CBFA2T3: variants seen among roughly 807,000 people sequenced by gnomAD.
CBFA2T3 encodes the protein transcriptional corepressor CBFA2T3.
Under a neutral mutation model 58.6 loss-of-function variants are expected in CBFA2T3, and 31 were observed. The observed-to-expected ratio is 0.53, with a 90% CI of 0.40 to 0.71. The LOEUF is 0.71. Among genes scored for constraint, CBFA2T3 ranks in the 30% least tolerant of loss-of-function variants. The probability of loss-of-function intolerance (pLI) is 0.00; values close to 1 mark genes in which losing one functional copy is unlikely to be tolerated. For synonymous variants in CBFA2T3, 531 were observed against 421.9 expected (o/e 1.26, Z -3.17); for missense variants, 1,076 against 963.1 (o/e 1.12, Z -1.55).
rs958235020 is a variant in CBFA2T3 at position 88,879,273 on chromosome 16, G to A, written c.1659C>T (p.Ser553=). ...CAGCGTGGCCGGGTGGCCCTACCTCGCTGGAGTCCTCCTGCTGGTTGATGA... is the reference window on the plus strand; with the variant it reads ...CAGCGTGGCCGGGTGGCCCTACCTCACTGGAGTCCTCCTGCTGGTTGATGA... ...LTVINQQEDS[S]ESCWNCGRKA... The change falls in exon 11 of 12, where the codon AGC becomes AGT. Residue 553 remains serine (S), a synonymous_variant. Transcript: ENST00000268679. The A allele has an allele frequency of 1.3e-5, 20 of 1,591,230 alleles. No homozygotes were observed. The highest frequency in any genetic ancestry group is 4.0e-5 in the African/African-American group (3 of 74,644).
At chr16:88,921,336 C>CG (rs369378413) in intron 1 of CBFA2T3, among the ~76,000 whole-genome samples, 7 of 152,192 alleles carry the variant, frequency 4.6e-5, no homozygotes, top group Admixed American at 3.9e-4. Flanking sequence ...AAAGGATGGG[C>CG]GGGGGGAGCA....
chr16:88,880,485 T>C (rs1357536145), intron 10 of CBFA2T3, among the ~76,000 whole-genome samples: 1 of 152,190 alleles, frequency 6.6e-6, no homozygotes, highest in Non-Finnish European at 1.5e-5. Flanking sequence ...GGACCCACTT[T>C]ATTCTGCTGG....
chr16:88,898,297 CG>C lies in CBFA2T3; in HGVS notation c.305-146del, dbSNP rs375139381. ...GCAGGAGACTGCCCTCAGGGGCACC[CG>C]GGCCGCCTTTTCTTGCTTCTCAGAG... On this transcript the variant is annotated intron_variant, in intron 2 of 11. Coordinates refer to ENST00000268679, the MANE Select transcript of CBFA2T3 (RefSeq NM_005187.6). 1.2e-3 allele frequency: 736 copies of C among 635,354 alleles called. 5 individuals carry two copies. The highest frequency in any genetic ancestry group is 0.011 in the African/African-American group (607 of 54,170). 39.4% of individuals were successfully genotyped at this position (635,354 alleles called of 1,614,324 possible).
At position 88,881,275 on chromosome 16, in the gene CBFA2T3, C is replaced by T. The variant is rs766247590; in HGVS notation, c.1402+16G>A. On this transcript the variant is annotated intron_variant, in intron 9 of 11. Coordinates refer to ENST00000268679, the MANE Select transcript of CBFA2T3 (RefSeq NM_005187.6). The stretch of plus-strand genomic sequence containing the variant: ...GCACCCCGTGTCTGCTCCCTCCCCC[C>T]ACACCCCACACGCACCTAGCTGAGG... 2.5e-6 allele frequency: 4 copies of T among 1,594,908 alleles called. No homozygotes were observed. The highest frequency in any genetic ancestry group is 1.7e-5 in the Admixed American group (1 of 59,508).
chr16:88,948,642 A>G (rs1197382267), intron 1 of CBFA2T3, among the ~76,000 whole-genome samples: 1 of 152,244 alleles, frequency 6.6e-6, no homozygotes, highest in Non-Finnish European at 1.5e-5. Flanking sequence ...CTGCTTTTGC[A>G]GAATGAGGTT....
chr16:88,883,926 T>C (rs1013637617), intron 7 of CBFA2T3: 1 of 152,272 alleles, frequency 6.6e-6, no homozygotes, highest in South Asian at 2.1e-4. Context: ...GTCTCCCTCT[T>C]GGGGCCCTTT....
chr16:88,921,349 G>A (rs891964057), intron 1 of CBFA2T3, among the ~76,000 whole-genome samples: 5 of 152,226 alleles, frequency 3.3e-5, no homozygotes, highest in Admixed American at 3.3e-4. Flanking sequence ...GGGGAGCAGG[G>A]AAGCCGAGCC....
intron 1 of CBFA2T3, among the ~76,000 whole-genome samples, chr16:88,949,280 C>T (rs921601543): frequency 1.3e-5 from 2 of 152,156 alleles, no homozygotes; most frequent in African/African-American, 2.4e-5. Flanking sequence ...GTTGGGAGGC[C>T]GGGCGCGGCG....
intron 5 of CBFA2T3, among the ~76,000 whole-genome samples, chr16:88,888,914 C>A (rs961729548): frequency 6.6e-6 from 1 of 151,716 alleles, no homozygotes; most frequent in Admixed American, 6.5e-5. Flanking sequence ...TCACGAGAGC[C>A]GGGCCGCGGG....
chr16:88,946,968 A>G (rs942354020), intron 1 of CBFA2T3, among the ~76,000 whole-genome samples: 1 of 152,208 alleles, frequency 6.6e-6, no homozygotes, highest in Non-Finnish European at 1.5e-5. Context: ...CAGACTGCAC[A>G]GAGGATTTTT....
chr16:88,939,883 A>G (rs550793849), intron 1 of CBFA2T3: 1 of 152,320 alleles, frequency 6.6e-6, no homozygotes, highest in Non-Finnish European at 1.5e-5. Context: ...AGCCTCAAGA[A>G]GTTTCCCCAA....
At chr16:88,919,753 C>A (rs1276584018) in intron 1 of CBFA2T3, among the ~76,000 whole-genome samples, 17 of 152,156 alleles carry the variant, frequency 1.1e-4, no homozygotes, top group Admixed American at 1.1e-3. Flanking sequence ...ATGGTGCCTA[C>A]AAGAGGAACT....
chr16:88,930,206 C>T (rs1408287440), intron 1 of CBFA2T3, among the ~76,000 whole-genome samples: 5 of 150,008 alleles, frequency 3.3e-5, no homozygotes, highest in Non-Finnish European at 5.9e-5. Context: ...GCATCATCCA[C>T]GCAAAAGTCA....
chr16:88,893,306 C>A (rs1009892117), intron 3 of CBFA2T3, among the ~76,000 whole-genome samples: 5 of 147,842 alleles, frequency 3.4e-5, no homozygotes, highest in African/African-American at 1.1e-4. Flanking sequence ...TGTGCCCCCC[C>A]CGACACACAG....
intron 1 of CBFA2T3, among the ~76,000 whole-genome samples, chr16:88,942,007 C>A (rs1010732392): frequency 6.6e-6 from 1 of 151,928 alleles, no homozygotes; most frequent in Non-Finnish European, 1.5e-5. Flanking sequence ...GCGCTCCCCC[C>A]GCTCAGCCTC....
intron 1 of CBFA2T3, among the ~76,000 whole-genome samples, chr16:88,975,345 C>T (rs1030862101): frequency 6.6e-6 from 1 of 152,102 alleles, no homozygotes; most frequent in Non-Finnish European, 1.5e-5. Context: ...GTAGACACCC[C>T]CGTCCTTCCA....
chr16:88,967,049 A>G (rs569987636), intron 1 of CBFA2T3, among the ~76,000 whole-genome samples: 1 of 152,248 alleles, frequency 6.6e-6, no homozygotes, highest in South Asian at 2.1e-4. Flanking sequence ...CGGGAAATTG[A>G]CGCACTCAAC....
chr16:88,947,646 G>GCTCAC (rs1361188327), intron 1 of CBFA2T3, among the ~76,000 whole-genome samples: 1 of 152,204 alleles, frequency 6.6e-6, no homozygotes, highest in Non-Finnish European at 1.5e-5. Context: ...GGGCTTGGTG[G>GCTCAC]CTCACACCTG....
intron 7 of CBFA2T3, 79 bp from the exon 8 acceptor site, chr16:88,882,840 TC>T: frequency 1.0e-6 from 1 of 984,998 alleles, no homozygotes; most frequent in Non-Finnish European, 1.6e-6. Context: ...CGCCCTCTGC[TC>T]CCAGGCCCCA....
Sources: gnomAD v4.1 joint callset for allele counts (sites outside exome capture counted in the v4.1 genomes callset) on GRCh38, gnomAD v4.1.1 for gene constraint, MANE v1.5 for transcripts, NCBI Gene and HGNC (gene_info 2026-07-23, HGNC 2026-07-21) for gene names.